PCDHGB6: variants seen among roughly 807,000 people sequenced by gnomAD.
The protein encoded by PCDHGB6 is protocadherin gamma subfamily B, 6.
Under a neutral mutation model 59.1 loss-of-function variants are expected in PCDHGB6, and 51 were observed. The observed-to-expected ratio is 0.86, with a 90% CI of 0.69 to 1.09. The LOEUF is 1.09. PCDHGB6 is among the 50% of genes least tolerant of loss of function. The pLI is 0.00. For missense variants in PCDHGB6, 1,148 were observed against 1,205.1 expected, an observed-to-expected ratio of 0.95 and a Z score of 0.70; for synonymous variants, 466 against 495.1, an observed-to-expected ratio of 0.94 and a Z score of 0.78.
rs962300160 is a variant in PCDHGB6 at position 141,410,045 on chromosome 5, G to A, written c.1843G>A (p.Gly615Arg). Residue 615 changes from glycine to arginine, a missense_variant, in exon 1 of 4, where the codon GGA becomes AGA. By Grantham distance (125) the Gly-to-Arg change is moderately radical (BLOSUM62 -2). Coordinates refer to ENST00000520790, the MANE Select transcript of PCDHGB6 (RefSeq NM_018926.3). The part of the protein sequence containing the change: ...SYHVLQASEP[G>R]LFSLGLRTGE... ...CCACGTGCTGCAGGCCAGTGAGCCCGGACTCTTCAGCCTGGGGCTGCGCAC... is the reference window on the plus strand; with the variant it reads ...CCACGTGCTGCAGGCCAGTGAGCCCAGACTCTTCAGCCTGGGGCTGCGCAC... 1.9e-6 allele frequency: 3 copies of A among 1,613,048 alleles called. No homozygotes were observed. Among genetic ancestry groups the A allele is most frequent in the African/African-American group, 1.3e-5 (1 of 74,932 alleles).
chr5:141,421,879 G>T (rs1458461652), intron 1 of PCDHGB6: 1 of 1,613,746 alleles, frequency 6.2e-7, no homozygotes, highest in Non-Finnish European at 8.5e-7. Context: ...AGCTTTAGAT[G>T]GAGGCGATCC....
chr5:141,456,426 A>G (rs2098857765), intron 1 of PCDHGB6, among the ~76,000 whole-genome samples: 1 of 152,210 alleles, frequency 6.6e-6, no homozygotes, highest in Non-Finnish European at 1.5e-5. Context: ...AATTCAAGTT[A>G]TAGTATTGAG....
chr5:141,433,365 A>G (rs1347170890), intron 1 of PCDHGB6: 7 of 523,718 alleles, frequency 1.3e-5, no homozygotes, highest in Non-Finnish European at 2.4e-5. Context: ...CTGCCTATCT[A>G]TCTATCTATC....
chr5:141,408,055 C>T lies in PCDHGB6; in HGVS notation c.-148C>T, dbSNP rs1012762205. 35 of 1,299,012 alleles carry T rather than the reference C, an allele frequency of 2.7e-5. No homozygotes were observed. In the South Asian group the frequency reaches 3.8e-4, roughly 14 times the overall value. 80.5% of individuals were successfully genotyped at this position (1,299,012 alleles called of 1,614,324 possible). On this transcript the variant is annotated 5_prime_UTR_variant, in exon 1 of 4. Coordinates refer to ENST00000520790, the MANE Select transcript of PCDHGB6 (RefSeq NM_018926.3). ...AAAACCAGCTCCCACACAGAGCCTCCCGGCTGCGCAGACCTTTCCCAGCAC... is the reference window on the plus strand; with the variant it reads ...AAAACCAGCTCCCACACAGAGCCTCTCGGCTGCGCAGACCTTTCCCAGCAC...
chr5:141,461,355 G>A (rs993200082), intron 1 of PCDHGB6, among the ~76,000 whole-genome samples: 3 of 152,022 alleles, frequency 2.0e-5, no homozygotes, highest in Non-Finnish European at 2.9e-5. Flanking sequence ...GTGGTAGCTC[G>A]TTGTGGTTTT....
chr5:141,464,622 CT>C (rs947370342), intron 1 of PCDHGB6, among the ~76,000 whole-genome samples: 8 of 152,058 alleles, frequency 5.3e-5, no homozygotes, highest in African/African-American at 1.9e-4. Flanking sequence ...TATTGTCAAG[CT>C]TTTTAATTGT....
At chr5:141,499,570 A>C (rs1027373056) in intron 2 of PCDHGB6, among the ~76,000 whole-genome samples, 2 of 152,200 alleles carry the variant, frequency 1.3e-5, no homozygotes, top group Non-Finnish European at 2.9e-5. Flanking sequence ...TCCAGCTTCA[A>C]CTAATGCCTT....
rs780436102 is a variant in PCDHGB6, at chr5:141,431,846, G to A, written c.2418+21226G>A. 1 of 1,614,274 alleles carries A rather than the reference G, an allele frequency of 6.2e-7. No individual in the cohort carries two copies. Among genetic ancestry groups the A allele is most frequent in the South Asian group, 1.1e-5 (1 of 91,088 alleles). On this transcript the variant is annotated intron_variant, in intron 1 of 3. Coordinates refer to ENST00000520790, the MANE Select transcript of PCDHGB6 (RefSeq NM_018926.3). The surrounding 1 kb of genome is among the most constrained non-coding windows in gnomAD (Gnocchi z 4.8). ...CTCGGTTCCCGAAAACTCTCCCAGA[G>A]GGACATTAATTGCCCTTTTAAATGT...
At chr5:141,451,180 T>C (rs1318435826) in intron 1 of PCDHGB6, among the ~76,000 whole-genome samples, 4 of 152,180 alleles carry the variant, frequency 2.6e-5, no homozygotes, top group Non-Finnish European at 4.4e-5. Flanking sequence ...ATTTAGCCAT[T>C]GCTGTGTAAC....
chr5:141,472,980 C>CAAAAAAAAAAAAAAAAAAAAAAA (rs60579131), intron 1 of PCDHGB6, among the ~76,000 whole-genome samples: 6 of 86,066 alleles, frequency 7.0e-5, no homozygotes, highest in Non-Finnish European at 1.0e-4. Context: ...GAGTGAAACT[C>CAAAAAAAAAAAAAAAAAAAAAAA]AAAAAAAAAA....
intron 1 of PCDHGB6, chr5:141,423,722 G>T: frequency 1.0e-6 from 1 of 954,174 alleles, no homozygotes; most frequent in Non-Finnish European, 1.3e-6. Flanking sequence ...TTAAGGAGAT[G>T]TTTTTTGAGC....
chr5:141,440,667 T>C (rs1330266877), intron 1 of PCDHGB6: 1 of 152,218 alleles, frequency 6.6e-6, no homozygotes, highest in East Asian at 1.9e-4. Context: ...GCAGCAACTC[T>C]ATATTTCTCT....
intron 1 of PCDHGB6, among the ~76,000 whole-genome samples, chr5:141,482,089 C>CAA (rs36035257): frequency 1.0e-3 from 137 of 134,516 alleles, no homozygotes; most frequent in African/African-American, 1.5e-3. Context: ...CACTCCATCT[C>CAA]AAAAAAAAAA....
intron 1 of PCDHGB6, chr5:141,441,954 CA>C (rs1240871171): frequency 3.1e-6 from 1 of 319,488 alleles, no homozygotes; most frequent in Non-Finnish European, 6.0e-6. Flanking sequence ...TGCAGGCCAG[CA>C]AGCCCAGGCT....
At position 141,409,291 on chromosome 5, in the gene PCDHGB6, A is replaced by G; in HGVS notation, c.1089A>G (p.Gly363=). ...AGATTTTGGAGAATTCACCTCCAGG[A>G]ATGGTTGTTGCCCTCTTCAAAACAC... ...SDQILENSPP[G]MVVALFKTRD... is the part of the protein sequence containing the mutation. Residue 363 remains glycine, a synonymous_variant, in exon 1 of 4, where the codon GGA becomes GGG. Coordinates refer to ENST00000520790, the MANE Select transcript of PCDHGB6 (RefSeq NM_018926.3). 6.2e-7 allele frequency: 1 copy of G among 1,614,000 alleles called. No homozygotes were observed. The highest frequency in any genetic ancestry group is 8.5e-7 in the Non-Finnish European group (1 of 1,179,898).
At chr5:141,497,499 C>G (rs1217418941) in intron 2 of PCDHGB6, among the ~76,000 whole-genome samples, 3 of 151,416 alleles carry the variant, frequency 2.0e-5, no homozygotes, top group Non-Finnish European at 4.4e-5. Context: ...TCTCTCTCCT[C>G]TCTCTGCTTC....
intron 1 of PCDHGB6, among the ~76,000 whole-genome samples, chr5:141,457,674 A>G (rs577008886): frequency 2.9e-4 from 44 of 152,256 alleles, no homozygotes; most frequent in South Asian, 2.1e-4. Flanking sequence ...GGTTATTTCT[A>G]CATAGGACTT....
At chr5:141,421,535 G>GT (rs975619932) in intron 1 of PCDHGB6, 8 of 1,614,032 alleles carry the variant, frequency 5.0e-6, no homozygotes, top group Non-Finnish European at 6.8e-6. Flanking sequence ...GTGTCCTCCT[G>GT]TTTTTTAAAT....
chr5:141,427,921 G>A (rs2097089596), intron 1 of PCDHGB6: 3 of 1,580,128 alleles, frequency 1.9e-6, no homozygotes, highest in African/African-American at 1.3e-5. Flanking sequence ...AACATGAGCC[G>A]GCGCATGTTG....
Sources: gnomAD v4.1 joint callset for allele counts (sites outside exome capture counted in the v4.1 genomes callset) on GRCh38, gnomAD v4.1.1 for gene constraint, Gnocchi (gnomAD v3.1) non-coding constraint, MANE v1.5 for transcripts, NCBI Gene and HGNC (gene_info 2026-07-23, HGNC 2026-07-21) for gene names.